Variants in ZNF274 observed in about 807,000 individuals in gnomAD.
ZNF274 encodes zinc finger protein 274.
ZNF274 carries 23 observed loss-of-function variants against 42.5 expected under a neutral mutation model. The observed-to-expected ratio is 0.54, with a 90% confidence interval of 0.39 to 0.77. The LOEUF (loss-of-function observed/expected upper bound fraction) is 0.77, where lower values mean the gene tolerates loss of function less well. ZNF274 is among the 30% of genes least tolerant of loss of function. The pLI, the probability that ZNF274 is intolerant of heterozygous loss-of-function variation, is 0.00. For synonymous variants in ZNF274, 292 were observed against 305.4 expected, an observed-to-expected ratio of 0.96 and a Z score of 0.46; for missense variants, 679 against 806.5, an observed-to-expected ratio of 0.84 and a Z score of 1.91.
At chr19:58,188,583 G>A (rs1259920780) in intron 4 of ZNF274, among the ~76,000 whole-genome samples, 28 of 136,408 alleles carry the variant, frequency 2.1e-4, no homozygotes, top group Middle Eastern at 4.4e-3. Context: ...ATGCCACTGC[G>A]TGACAGAGTG....
intron 4 of ZNF274, among the ~76,000 whole-genome samples, chr19:58,196,491 G>T (rs899771892): frequency 2.6e-5 from 4 of 152,194 alleles, no homozygotes; most frequent in Admixed American, 2.6e-4. Context: ...GAGCCTGGAA[G>T]GTGGAGGTTG....
chr19:58,190,624 T>C (rs2075768686), intron 4 of ZNF274, among the ~76,000 whole-genome samples: 1 of 152,062 alleles, frequency 6.6e-6, no homozygotes, highest in Non-Finnish European at 1.5e-5. Flanking sequence ...AACATAGGAG[T>C]ATAATAGATG....
At position 58,212,964 on chromosome 19, in the gene ZNF274, G is replaced by T; in HGVS notation, c.1783G>T (p.Asp595Tyr). ...TGGCGCTAAGCCCTACAAGTGTCAG[G>T]ACTGTGGAAAAGCCTTCCGCCAGAG... The part of the protein sequence containing the change: ...HTGAKPYKCQ[D>Y]CGKAFRQSSH... Residue 595 changes from aspartate (D) to tyrosine (Y), a missense_variant, in exon 8 of 8, where the codon GAC becomes TAC. Coordinates refer to ENST00000617501, the MANE Select transcript of ZNF274 (RefSeq NM_133502.3). The surrounding 1 kb of genome is among the most constrained non-coding windows in gnomAD (Gnocchi z 4.6). 3.7e-6 allele frequency: 6 copies of T among 1,614,022 alleles called. No homozygotes were observed. The highest frequency in any genetic ancestry group is 5.1e-6 in the Non-Finnish European group (6 of 1,179,906).
chr19:58,188,891 A>G (rs1425289529), intron 4 of ZNF274, among the ~76,000 whole-genome samples: 1 of 151,126 alleles, frequency 6.6e-6, no homozygotes. Context: ...TCTCAAAAAA[A>G]AAAAATTAAA....
rs867059425 is a variant in ZNF274, at chr19:58,212,341, A to C, written c.1160A>C (p.Glu387Ala). 1.2e-6 allele frequency: 2 copies of C among 1,613,994 alleles called. No homozygotes were observed. Among genetic ancestry groups the C allele is most frequent in the African/African-American group, 2.7e-5 (2 of 75,048 alleles). ...CAAGACACAGTGTTGAAGCAGATGG[A>C]GTCTGCTCAGGAAAAAGACCTTCCT... ...EVQDTVLKQM[E>A]SAQEKDLPQK... The change falls in exon 8 of 8, where the codon GAG (glutamate) becomes GCG (alanine). Residue 387 changes from glutamate (E) to alanine (A), a missense_variant. Glu to Ala is a moderately radical substitution (Grantham distance 107). This residue lies in a region of ZNF274 where 456 missense variants were observed against 590.1 expected (regional missense o/e 0.77). Transcript: ENST00000617501. The surrounding 1 kb of genome is among the most constrained non-coding windows in gnomAD (Gnocchi z 4.6).
At chr19:58,206,692 T>C (rs915968328) in intron 4 of ZNF274, 28 bp from the exon 5 acceptor site, 3 of 1,529,588 alleles carry the variant, frequency 2.0e-6, no homozygotes, top group Admixed American at 4.2e-5. Context: ...CTTGTTCTCA[T>C]TTGTCTTGCT....
chr19:58,198,826 T>A (rs1600144743), intron 4 of ZNF274, among the ~76,000 whole-genome samples: 1 of 149,094 alleles, frequency 6.7e-6, no homozygotes, highest in African/African-American at 2.5e-5. Context: ...TTTTTTTTTT[T>A]TAGAACAAAT....
intron 4 of ZNF274, among the ~76,000 whole-genome samples, chr19:58,201,994 T>C (rs1047752676): frequency 2.6e-5 from 4 of 152,058 alleles, no homozygotes; most frequent in Non-Finnish European, 4.4e-5. Context: ...AGTGGTACAC[T>C]GGAGGAGACA....
rs1214748035 is a variant in ZNF274 at position 58,207,890 on chromosome 19, T to C, written c.739+688T>C. Among the ~76,000 whole-genome samples, 1 of 152,186 alleles carries C rather than the reference T, an allele frequency of 6.6e-6. No individual in the cohort carries two copies. Among genetic ancestry groups the C allele is most frequent in the Non-Finnish European group, 1.5e-5 (1 of 68,024 alleles). On this transcript the variant is annotated intron_variant, in intron 5 of 7. Coordinates refer to ENST00000617501, the MANE Select transcript of ZNF274 (RefSeq NM_133502.3). The surrounding 1 kb of genome is among the most constrained non-coding windows in gnomAD (Gnocchi z 5.6). ...GAGTTCCAGAAACTGGTGGCACCAC[T>C]GGATTTGACCTTTAGAGATTTACCA...
Position 58,207,888 on chromosome 19 carries a change from A to G in ZNF274, c.739+686A>G, listed in dbSNP as rs2075996205. 6.6e-6 allele frequency among the ~76,000 whole-genome samples: 1 copy of G among 152,230 alleles called. No individual in the cohort carries two copies. The highest frequency in any genetic ancestry group is 2.4e-5 in the African/African-American group (1 of 41,460). Reference sequence around the variant, plus strand: ...CTGAGTTCCAGAAACTGGTGGCACCACTGGATTTGACCTTTAGAGATTTAC... The same window carrying G: ...CTGAGTTCCAGAAACTGGTGGCACCGCTGGATTTGACCTTTAGAGATTTAC... On this transcript the variant is annotated intron_variant, in intron 5 of 7. Coordinates refer to ENST00000617501, the MANE Select transcript of ZNF274 (RefSeq NM_133502.3). This position sits in a 1 kb window ranked among gnomAD's most constrained non-coding sequence, Gnocchi z 5.6.
chr19:58,211,656 C>A lies in ZNF274; in HGVS notation c.949C>A (p.Leu317Met). Residue 317 changes from leucine to methionine, a missense_variant, in exon 7 of 8, where the codon CTG becomes ATG. Around this residue, in one of 2 missense-constraint regions of ZNF274, gnomAD observed 456 missense variants for 590.1 expected, o/e 0.77. Transcript: ENST00000617501. The surrounding 1 kb of genome is among the most constrained non-coding windows in gnomAD (Gnocchi z 4.8). ...TQRTEYRDVM[L>M]ETFGHLVSVG... ...GAGGACCGAGTACCGCGATGTGATG[C>A]TGGAGACCTTTGGGCACCTGGTCTC... is the stretch of plus-strand genomic sequence containing the variant. 1 of 1,613,644 alleles carries A rather than the reference C, an allele frequency of 6.2e-7. No individual in the cohort carries two copies. Among genetic ancestry groups the A allele is most frequent in the Non-Finnish European group, 8.5e-7 (1 of 1,179,648 alleles).
chr19:58,212,789 G>C lies in ZNF274; in HGVS notation c.1608G>C (p.Val536=). 6.2e-7 allele frequency: 1 copy of C among 1,614,014 alleles called. No homozygotes were observed. The highest frequency in any genetic ancestry group is 8.5e-7 in the Non-Finnish European group (1 of 1,179,906). ...TCCATACCGGAGAGAGGCCCTATGT[G>C]TGTCAAGACTGTGGGAAAGGATTTG... The part of the protein sequence containing the change: ...KKIHTGERPY[V]CQDCGKGFVQ... Residue 536 remains valine, a synonymous_variant, in exon 8 of 8, where the codon GTG becomes GTC. Coordinates refer to ENST00000617501, the MANE Select transcript of ZNF274 (RefSeq NM_133502.3). The surrounding 1 kb of genome is among the most constrained non-coding windows in gnomAD (Gnocchi z 4.6).
In ZNF274 at chr19:58,186,994, G is replaced by A. The variant is rs781180126; in HGVS notation, c.208G>A (p.Glu70Lys). The change falls in exon 4 of 8, where the codon GAA becomes AAA. Residue 70 changes from glutamate to lysine, a missense_variant. Around this residue, in one of 2 missense-constraint regions of ZNF274, gnomAD observed 223 missense variants for 216.4 expected, o/e 1.03. Coordinates refer to ENST00000617501, the MANE Select transcript of ZNF274 (RefSeq NM_133502.3). Reference sequence around the variant, plus strand: ...TGTGGTATCTCAGTTAGAGGAGGCAGAAGATTTCTGGCCAGTGGAGAGAGG... The same window carrying A: ...TGTGGTATCTCAGTTAGAGGAGGCAAAAGATTTCTGGCCAGTGGAGAGAGG... ...PDVVSQLEEA[E>K]DFWPVERGIP... 3.7e-6 allele frequency: 6 copies of A among 1,613,568 alleles called. No individual in the cohort carries two copies. The highest frequency in any genetic ancestry group is 2.2e-5 in the East Asian group (1 of 44,880).
Position 58,212,526 on chromosome 19 carries a change from C to T in ZNF274, c.1345C>T (p.Arg449Ter). ...VLLHKIPPRKRLRKRDSQVKS... is the reference protein window; with the variant it reads ...VLLHKIPPRK ...GCTCCACAAAATTCCTCCTAGAAAACGATTGCGCAAACGTGACTCACAAGT... is the reference window on the plus strand; with the variant it reads ...GCTCCACAAAATTCCTCCTAGAAAATGATTGCGCAAACGTGACTCACAAGT... Residue 449 changes from arginine to a stop codon, truncating the protein, a stop_gained, in exon 8 of 8, where the codon CGA becomes TGA. Coordinates refer to ENST00000617501, the MANE Select transcript of ZNF274 (RefSeq NM_133502.3). LOFTEE classifies it low-confidence loss of function (END_TRUNC). This position sits in a 1 kb window ranked among gnomAD's most constrained non-coding sequence, Gnocchi z 4.6. 9 of 1,613,946 alleles carry T rather than the reference C, an allele frequency of 5.6e-6. No homozygotes were observed. Among genetic ancestry groups the T allele is most frequent in the South Asian group, 1.1e-5 (1 of 91,084 alleles).
Position 58,201,172 on chromosome 19 carries a change from T to C in ZNF274, c.257-5548T>C, listed in dbSNP as rs950367342. Among the ~76,000 whole-genome samples the C allele has an allele frequency of 8.7e-4, 33 of 37,734 alleles. No individual in the cohort carries two copies. In the South Asian group the frequency reaches 0.02, roughly 23 times the overall value. The allele number at this position is 37,734 out of a possible 152,430, so 24.8% of individuals were successfully genotyped here. A position where few individuals can be genotyped will look rare whatever the true frequency, so the allele number is the denominator to read the frequency against. Reference sequence around the variant, plus strand: ...GGCACATGCCGCTACGCCTGGCTAATTTTTTTTTTTTTTTTTTTTTGTGGA... The same window carrying C: ...GGCACATGCCGCTACGCCTGGCTAACTTTTTTTTTTTTTTTTTTTTGTGGA... On this transcript the variant is annotated intron_variant, in intron 4 of 7. Transcript: ENST00000617501.
At chr19:58,209,908 T>C in intron 5 of ZNF274, 53 bp from the exon 6 acceptor site, 1 of 1,400,402 alleles carries the variant, frequency 7.1e-7, no homozygotes, top group Non-Finnish European at 9.9e-7. Flanking sequence ...ACCCTTGCCC[T>C]GCCTAAGGGT....
chr19:58,194,734 G>A (rs893386488), intron 4 of ZNF274, among the ~76,000 whole-genome samples: 9 of 139,734 alleles, frequency 6.4e-5, no homozygotes, highest in South Asian at 5.3e-4. Flanking sequence ...TCGGCCGGGC[G>A]CGGTGGCTGA....
In ZNF274 at chr19:58,206,890, C is replaced by T. The variant is rs374011554; in HGVS notation, c.427C>T (p.Pro143Ser). 2.4e-5 allele frequency: 39 copies of T among 1,613,506 alleles called. No homozygotes were observed. The Admixed American group carries it at 5.7e-4, about 23-fold the overall frequency. ...AGATGGAAGCCTGAGTGCAGATGCC[C>T]CCAGTGAGCAGGTCCAACAGCAGGG... ...AEDGSLSADA[P>S]SEQVQQQGKH... The change falls in exon 5 of 8, where the codon CCC (proline) becomes TCC (serine). Residue 143 changes from proline (P) to serine (S), a missense_variant. Coordinates refer to ENST00000617501, the MANE Select transcript of ZNF274 (RefSeq NM_133502.3).
At chr19:58,204,608 C>G (rs1303544007) in intron 4 of ZNF274, among the ~76,000 whole-genome samples, 1 of 152,108 alleles carries the variant, frequency 6.6e-6, no homozygotes, top group Non-Finnish European at 1.5e-5. Context: ...GTAGCTGCAG[C>G]TATTGCACAC....
Sources: allele counts gnomAD v4.1 joint callset (sites outside exome capture counted in the v4.1 genomes callset), GRCh38; gene constraint gnomAD v4.1.1; regional missense constraint gnomAD v4.1.1; non-coding constraint Gnocchi (gnomAD v3.1); transcripts MANE v1.5; gene names NCBI Gene and HGNC (gene_info 2026-07-23, HGNC 2026-07-21).